The following OSBPL8 variants were observed in gnomAD, a reference collection of about 807,000 sequenced individuals.
OSBPL8 encodes oxysterol binding protein like 8, also known as oxysterol-binding protein-related protein 8.
Under a neutral mutation model 125.5 loss-of-function variants are expected in OSBPL8, and 59 were observed. The ratio of observed to expected loss-of-function variants is 0.47; its 90% CI spans 0.38 to 0.58. OSBPL8 has a LOEUF of 0.58. Ranked by LOEUF, OSBPL8 falls within the 20% of genes least tolerant of loss-of-function variation. OSBPL8 has a pLI of 0.00. For missense variants in OSBPL8, 758 were observed against 1,047.8 expected (o/e 0.72, Z 3.82); for synonymous variants, 330 against 338.9 (o/e 0.97, Z 0.29).
Position 76,417,770 on chromosome 12 carries a change from C to T in OSBPL8, c.218-7136G>A, listed in dbSNP as rs558578442. On this transcript the variant is annotated intron_variant, in intron 4 of 23. Coordinates refer to ENST00000261183, the MANE Select transcript of OSBPL8 (RefSeq NM_020841.5). The stretch of plus-strand genomic sequence containing the variant: ...AGTTTGCATTTATGTTTTTAAAAAC[C>T]GTAAACAGAGCTTTAAAAACATTAG... 3.6e-4 allele frequency among the ~76,000 whole-genome samples: 55 copies of T among 152,068 alleles called. No individual in the cohort carries two copies. The South Asian group carries it at 7.9e-3, about 22-fold the overall frequency.
chr12:76,390,560 C>T lies in OSBPL8; in HGVS notation c.1027G>A (p.Asp343Asn). 6.2e-7 allele frequency: 1 copy of T among 1,613,742 alleles called. No individual in the cohort carries two copies. The stretch of plus-strand genomic sequence containing the variant: ...TCACTTTTCCCCATCACCTCATTAT[C>T]AGACTCATCATGTTCTTGATCATTT... ...KENDQEHDES[D>N]NEVMGKSEES... The change falls in exon 11 of 24, where the codon GAT (aspartate) becomes AAT (asparagine). Residue 343 changes from aspartate to asparagine, a missense_variant. Coordinates refer to ENST00000261183, the MANE Select transcript of OSBPL8 (RefSeq NM_020841.5).
At position 76,475,498 on chromosome 12, in the gene OSBPL8, A is replaced by C. The variant is rs1876694520; in HGVS notation, c.42+12012T>G. Among the ~76,000 whole-genome samples, 10 of 152,306 alleles carry C rather than the reference A, an allele frequency of 6.6e-5. No homozygotes were observed. In the South Asian group the frequency reaches 2.1e-3, roughly 32 times the overall value. On this transcript the variant is annotated intron_variant, in intron 2 of 23. Coordinates refer to ENST00000261183, the MANE Select transcript of OSBPL8 (RefSeq NM_020841.5). Reference sequence around the variant, plus strand: ...TGGTCCCTTAATAGTTCTATTTTTTAATTTTTAAACTGTGTATCACATGTG... The same window carrying C: ...TGGTCCCTTAATAGTTCTATTTTTTCATTTTTAAACTGTGTATCACATGTG...
At chr12:76,515,793 C>G (rs996855158) in intron 1 of OSBPL8, among the ~76,000 whole-genome samples, 4 of 152,002 alleles carry the variant, frequency 2.6e-5, no homozygotes, top group African/African-American at 9.7e-5. Context: ...CTTGATTAGT[C>G]TTGATGCATG....
intron 1 of OSBPL8, among the ~76,000 whole-genome samples, chr12:76,497,893 T>C (rs1245296359): frequency 1.3e-5 from 2 of 152,224 alleles, no homozygotes; most frequent in East Asian, 1.9e-4. Context: ...ATCAAAAATA[T>C]TAACTAAGGA....
Position 76,453,968 on chromosome 12 carries a change from G to A in OSBPL8, c.80-2980C>T, listed in dbSNP as rs185088826. On this transcript the variant is annotated intron_variant, in intron 3 of 23. Transcript: ENST00000261183. The stretch of plus-strand genomic sequence containing the variant: ...AAGATGTTCATCCTTTTTTAGTAAT[G>A]AGGCAAATACAAATCAAAATAATAA... 6.2e-4 allele frequency among the ~76,000 whole-genome samples: 95 copies of A among 152,208 alleles called. 1 individual carries two copies. The highest frequency in any genetic ancestry group is 2.1e-3 in the South Asian group (10 of 4,814).
At chr12:76,383,927 G>A (rs768791733) in intron 15 of OSBPL8, among the ~76,000 whole-genome samples, 2 of 152,048 alleles carry the variant, frequency 1.3e-5, no homozygotes, top group Non-Finnish European at 2.9e-5. Context: ...AAAATAGAAA[G>A]ACTAATCCCT....
intron 1 of OSBPL8, among the ~76,000 whole-genome samples, chr12:76,506,705 T>C (rs1467426099): frequency 1.3e-5 from 2 of 152,176 alleles, no homozygotes; most frequent in Admixed American, 1.3e-4. Flanking sequence ...ATTCCACACC[T>C]TTGATAACAG....
In OSBPL8 at chr12:76,386,285, A is replaced by AAG; in HGVS notation, c.1435-20_1435-19insCT. 1 of 1,575,028 alleles carries AAG rather than the reference A, an allele frequency of 6.3e-7. No homozygotes were observed. The highest frequency in any genetic ancestry group is 8.6e-7 in the Non-Finnish European group (1 of 1,165,958). On this transcript the variant is annotated intron_variant, in intron 13 of 23. Coordinates refer to ENST00000261183, the MANE Select transcript of OSBPL8 (RefSeq NM_020841.5). ...TCAGTCCCTGGTAAAAAAAAAAAAAAGCAATTTCAAATTACAAATACAAAG... is the reference window on the plus strand; with the variant it reads ...TCAGTCCCTGGTAAAAAAAAAAAAAAAGGCAATTTCAAATTACAAATACAAAG...
chr12:76,363,185 A>G (rs1342894209), intron 21 of OSBPL8, among the ~76,000 whole-genome samples: 3 of 152,240 alleles, frequency 2.0e-5, no homozygotes, highest in Non-Finnish European at 4.4e-5. Flanking sequence ...AAACTACTTT[A>G]AATTTCACAT....
intron 3 of OSBPL8, among the ~76,000 whole-genome samples, chr12:76,452,777 G>A (rs1237094223): frequency 3.9e-5 from 6 of 152,068 alleles, no homozygotes; most frequent in Admixed American, 6.5e-5. Context: ...GGCTCCTGCC[G>A]TAATAGTCTT....
chr12:76,351,898 T>G lies in OSBPL8; in HGVS notation c.*3991A>C, dbSNP rs951691343. 1.3e-5 allele frequency: 2 copies of G among 152,220 alleles called. No homozygotes were observed. Among genetic ancestry groups the G allele is most frequent in the African/African-American group, 4.8e-5 (2 of 41,460 alleles). The allele number at this position is 152,220 out of a possible 1,614,324, so 9.4% of individuals were successfully genotyped here. ...CTTTTCTTTCTGCAAACAGTTATAA[T>G]AGGTTAGGAATAATAGATTAGAAAT... On this transcript the variant is annotated 3_prime_UTR_variant, in exon 24 of 24. Transcript: ENST00000261183.
intron 1 of OSBPL8, among the ~76,000 whole-genome samples, chr12:76,516,416 C>T (rs1881535702): frequency 6.6e-6 from 1 of 152,186 alleles, no homozygotes; most frequent in Admixed American, 6.5e-5. Flanking sequence ...CAATCTGATG[C>T]TCTTTGTGCT....
Position 76,410,419 on chromosome 12 carries a change from C to CTTCA in OSBPL8, c.288+141_288+144dup, listed in dbSNP as rs556356537. The CTTCA allele has an allele frequency of 1.9e-3, 1,069 of 558,370 alleles. 30 individuals are homozygous for CTTCA. In the South Asian group the frequency reaches 0.026, roughly 14 times the overall value. The allele number at this position is 558,370 out of a possible 1,614,324, so 34.6% of individuals were successfully genotyped here. A position where few individuals can be genotyped will look rare whatever the true frequency, so the allele number is the denominator to read the frequency against. ...AATACTTATATTAGCCCCAATGGAA[C>CTTCA]TTCACTCTTTTAATACACACTACAT... On this transcript the variant is annotated intron_variant, in intron 5 of 23. Coordinates refer to ENST00000261183, the MANE Select transcript of OSBPL8 (RefSeq NM_020841.5).
At chr12:76,379,403 A>G (rs544830123) in intron 15 of OSBPL8, among the ~76,000 whole-genome samples, 21 of 152,312 alleles carry the variant, frequency 1.4e-4, no homozygotes, top group Admixed American at 1.1e-3. Context: ...ATTTACATAC[A>G]GTAACTAACC....
At chr12:76,500,183 A>AT (rs1477911815) in intron 1 of OSBPL8, among the ~76,000 whole-genome samples, 1 of 152,158 alleles carries the variant, frequency 6.6e-6, no homozygotes, top group Non-Finnish European at 1.5e-5. Context: ...GGTAACAATT[A>AT]TTTTGCTTAT....
At chr12:76,514,656 T>C (rs563914069) in intron 1 of OSBPL8, among the ~76,000 whole-genome samples, 1 of 152,334 alleles carries the variant, frequency 6.6e-6, no homozygotes, top group Non-Finnish European at 1.5e-5. Flanking sequence ...GTATAGAGTC[T>C]TTCAGGAGTT....
At chr12:76,508,102 C>A (rs1171897050) in intron 1 of OSBPL8, among the ~76,000 whole-genome samples, 1 of 151,028 alleles carries the variant, frequency 6.6e-6, no homozygotes, top group South Asian at 2.1e-4. Context: ...ACCTGGGAGG[C>A]GGAGGTTGCA....
intron 4 of OSBPL8, among the ~76,000 whole-genome samples, chr12:76,435,155 CGTGTGTGTGT>C (rs71082308): frequency 7.5e-5 from 11 of 146,448 alleles, no homozygotes; most frequent in Admixed American, 1.4e-4. Context: ...TATATATCTA[CGTGTGTGTGT>C]GTGTGTGTGT....
In OSBPL8 at chr12:76,519,073, G is replaced by A. The variant is rs141694003; in HGVS notation, c.-67-31455C>T. On this transcript the variant is annotated intron_variant, in intron 1 of 23. Transcript: ENST00000261183. ...CACAGGGACAAACTCTAAATTTTCCGAATTTTTATGCTCTGCTACCCTTTA... is the reference window on the plus strand; with the variant it reads ...CACAGGGACAAACTCTAAATTTTCCAAATTTTTATGCTCTGCTACCCTTTA... Among the ~76,000 whole-genome samples, 40 of 152,222 alleles carry A rather than the reference G, an allele frequency of 2.6e-4. No individual in the cohort carries two copies. In the East Asian group the frequency reaches 4.5e-3, roughly 17 times the overall value.
Sources: allele counts gnomAD v4.1 joint callset (sites outside exome capture counted in the v4.1 genomes callset), GRCh38; gene constraint gnomAD v4.1.1; transcripts MANE v1.5; gene names NCBI Gene and HGNC (gene_info 2026-07-23, HGNC 2026-07-21).